Variants in ALG14 observed in about 807,000 individuals in gnomAD.
The protein encoded by ALG14 is UDP-N-acetylglucosamine transferase subunit ALG14.
Under a neutral mutation model 22.8 loss-of-function variants are expected in ALG14, and 17 were observed. That is an observed-to-expected ratio of 0.75 (90% CI 0.51 to 1.12). The LOEUF (loss-of-function observed/expected upper bound fraction) is 1.12. ALG14 is among the 50% of genes most tolerant of loss of function. The probability of loss-of-function intolerance (pLI) is 0.00; values close to 1 mark genes in which losing one functional copy is unlikely to be tolerated. For missense variants in ALG14, 288 were observed against 271.8 expected (o/e 1.06, Z -0.42); for synonymous variants, 89 against 103.7 (o/e 0.86, Z 0.86).
chr1:95,067,499 A>G (rs1675414146), intron 1 of ALG14: 2 of 152,258 alleles, frequency 1.3e-5, no homozygotes, highest in Non-Finnish European at 2.9e-5. Flanking sequence ...TTGACAGTAT[A>G]TTCACTGAAA....
In ALG14 at chr1:94,983,059, A is replaced by G. The variant is rs764623435; in HGVS notation, c.*17T>C. On this transcript the variant is annotated 3_prime_UTR_variant, in exon 4 of 4. Transcript: ENST00000370205. ...TACTGTTAACTGCAAAATTCTAAAG[A>G]AGTCAGTTGCCATTTGTCAAACAAT... 6.2e-7 allele frequency: 1 copy of G among 1,610,768 alleles called. No homozygotes were observed. Among genetic ancestry groups the G allele is most frequent in the South Asian group, 1.1e-5 (1 of 90,996 alleles).
At chr1:95,042,027 T>G (rs1292857341) in intron 2 of ALG14, among the ~76,000 whole-genome samples, 1 of 152,134 alleles carries the variant, frequency 6.6e-6, no homozygotes, top group Non-Finnish European at 1.5e-5. Flanking sequence ...TAGAAAATAT[T>G]TATTTAGATA....
Position 95,045,651 on chromosome 1 carries a change from T to C in ALG14, c.289-18391A>G, listed in dbSNP as rs188841373. 3.5e-3 allele frequency among the ~76,000 whole-genome samples: 522 copies of C among 151,126 alleles called. 9 individuals are homozygous for C. The highest frequency in any genetic ancestry group is 0.012 in the African/African-American group (499 of 41,128). The stretch of plus-strand genomic sequence containing the variant: ...TATTAATAGAATTAGTATAATAGTA[T>C]ACTAACAGAATGGTATACTAATAGA... On this transcript the variant is annotated intron_variant, in intron 2 of 3. Transcript: ENST00000370205.
chr1:95,070,527 T>C (rs2100852140), intron 1 of ALG14, among the ~76,000 whole-genome samples: 1 of 152,330 alleles, frequency 6.6e-6, no homozygotes, highest in Non-Finnish European at 1.5e-5. Flanking sequence ...TTCTTGCGTA[T>C]ACAAACTACC....
chr1:95,043,585 A>G (rs968104133), intron 2 of ALG14, among the ~76,000 whole-genome samples: 2 of 152,192 alleles, frequency 1.3e-5, no homozygotes, highest in Non-Finnish European at 2.9e-5. Context: ...CTAAATGATC[A>G]GCAGTGCACT....
chr1:95,025,349 A>C (rs1302283014), intron 3 of ALG14, among the ~76,000 whole-genome samples: 2 of 152,232 alleles, frequency 1.3e-5, no homozygotes, highest in Non-Finnish European at 2.9e-5. Context: ...ATGTGCTGTC[A>C]TCTAGGCTTT....
intron 2 of ALG14, among the ~76,000 whole-genome samples, chr1:95,042,305 T>TACACACAC (rs34055488): frequency 3.3e-5 from 5 of 150,314 alleles, no homozygotes; most frequent in African/African-American, 4.9e-5. Context: ...GATTTAAACA[T>TACACACAC]ACACACACAC....
chr1:95,019,107 C>T (rs918137917), intron 3 of ALG14, among the ~76,000 whole-genome samples: 2 of 152,168 alleles, frequency 1.3e-5, no homozygotes, highest in African/African-American at 4.8e-5. Flanking sequence ...AATGTGAATT[C>T]AGGAAGACCA....
intron 3 of ALG14, among the ~76,000 whole-genome samples, chr1:95,008,519 C>A (rs1291882980): frequency 6.6e-6 from 1 of 151,902 alleles, no homozygotes; most frequent in Non-Finnish European, 1.5e-5. Context: ...ATAAGGTTAG[C>A]TTTAGTATGA....
rs116599593 is a variant in ALG14 at position 95,027,977 on chromosome 1, A to G, written c.289-717T>C. ...CAGTAGGGAATGGAGAAGTGCATAC[A>G]GTAAAATATATGGAGATATATTAAC... On this transcript the variant is annotated intron_variant, in intron 2 of 3. Transcript: ENST00000370205. Among the ~76,000 whole-genome samples, 267 of 152,388 alleles carry G rather than the reference A, an allele frequency of 1.8e-3. 1 individual carries two copies. The highest frequency in any genetic ancestry group is 6.3e-3 in the African/African-American group (262 of 41,590).
At chr1:94,994,810 C>T (rs1406149642) in intron 3 of ALG14, among the ~76,000 whole-genome samples, 1 of 152,192 alleles carries the variant, frequency 6.6e-6, no homozygotes, top group Non-Finnish European at 1.5e-5. Flanking sequence ...AGGTTAAATT[C>T]TGGCATTTGT....
rs1169174245 is a variant in ALG14 at position 94,989,575 on chromosome 1, T to C, written c.421-6269A>G. Among the ~76,000 whole-genome samples the C allele has an allele frequency of 2.0e-5, 3 of 152,288 alleles. No individual in the cohort carries two copies. The East Asian group carries it at 5.8e-4, about 29-fold the overall frequency. On this transcript the variant is annotated intron_variant, in intron 3 of 3. Transcript: ENST00000370205. ...AGGGCTGGAGGAGACTCTGTTCTGGTAGCAAAGGTACTGCTGGCAGGGGTC... is the reference window on the plus strand; with the variant it reads ...AGGGCTGGAGGAGACTCTGTTCTGGCAGCAAAGGTACTGCTGGCAGGGGTC...
intron 3 of ALG14, among the ~76,000 whole-genome samples, chr1:95,009,304 T>C (rs1210007683): frequency 6.6e-6 from 1 of 151,834 alleles, no homozygotes; most frequent in African/African-American, 2.4e-5. Flanking sequence ...AAGACAAAAA[T>C]TTATTAATTT....
intron 2 of ALG14, among the ~76,000 whole-genome samples, chr1:95,055,057 A>C (rs1674882059): frequency 1.3e-5 from 2 of 152,238 alleles, no homozygotes; most frequent in Admixed American, 1.3e-4. Context: ...ATATTATCTC[A>C]CATGCAGAAA....
chr1:95,013,737 T>C (rs1487991358), intron 3 of ALG14, among the ~76,000 whole-genome samples: 1 of 152,002 alleles, frequency 6.6e-6, no homozygotes, highest in Non-Finnish European at 1.5e-5. Flanking sequence ...ACAAAAGAGG[T>C]CAAACAATTA....
intron 2 of ALG14, among the ~76,000 whole-genome samples, chr1:95,030,602 GAAC>G (rs1375266943): frequency 2.6e-5 from 4 of 152,172 alleles, no homozygotes; most frequent in Admixed American, 1.3e-4. Flanking sequence ...CAGCAGCAAT[GAAC>G]AACATTTCTG....
chr1:95,001,430 A>G (rs1673064795), intron 3 of ALG14, among the ~76,000 whole-genome samples: 1 of 152,208 alleles, frequency 6.6e-6, no homozygotes, highest in African/African-American at 2.4e-5. Context: ...GGCTGCATAT[A>G]TAAGCATCTT....
rs746559786 is a variant in ALG14 at position 95,003,013 on chromosome 1, G to C, written c.421-19707C>G. On this transcript the variant is annotated intron_variant, in intron 3 of 3. Transcript: ENST00000370205. ...GTGTGAGTGAAAGCAACAATGTTGA[G>C]AGTGACATTTACTAGCTGAAAACAG... Among the ~76,000 whole-genome samples the C allele has an allele frequency of 5.3e-4, 81 of 152,320 alleles. 1 individual carries two copies. Among genetic ancestry groups the C allele is most frequent in the Non-Finnish European group, 8.8e-4 (60 of 68,036 alleles).
At chr1:94,990,171 G>A (rs1042734812) in intron 3 of ALG14, among the ~76,000 whole-genome samples, 1 of 152,202 alleles carries the variant, frequency 6.6e-6, no homozygotes, top group African/African-American at 2.4e-5. Flanking sequence ...AGAAGAAAAT[G>A]CAGTTAGAGT....
Sources: allele counts gnomAD v4.1 joint callset (sites outside exome capture counted in the v4.1 genomes callset), GRCh38; gene constraint gnomAD v4.1.1; transcripts MANE v1.5; gene names NCBI Gene and HGNC (gene_info 2026-07-23, HGNC 2026-07-21).